Variants in SPOCK3 observed in about 807,000 individuals in gnomAD.
SPOCK3 encodes the protein SPARC (osteonectin), cwcv and kazal like domains proteoglycan 3.
Under a neutral mutation model 56.6 loss-of-function variants are expected in SPOCK3, and 30 were observed. The ratio of observed to expected loss-of-function variants is 0.53; its 90% confidence interval spans 0.40 to 0.72. The LOEUF is 0.72. SPOCK3 is among the 30% of genes least tolerant of loss of function. The pLI, the probability that SPOCK3 is intolerant of heterozygous loss-of-function variation, is 0.00. For synonymous variants in SPOCK3, 196 were observed against 183.3 expected (o/e 1.07, Z -0.56); for missense variants, 527 against 530.0 (o/e 0.99, Z 0.06).
chr4:166,982,055 C>A (rs776685295), intron 4 of SPOCK3, among the ~76,000 whole-genome samples: 2 of 152,196 alleles, frequency 1.3e-5, no homozygotes, highest in Non-Finnish European at 2.9e-5. Flanking sequence ...GGATCTGGAG[C>A]TGCAGTTGGC....
intron 3 of SPOCK3, among the ~76,000 whole-genome samples, chr4:167,053,235 A>G (rs1754407922): frequency 1.3e-5 from 2 of 152,038 alleles, no homozygotes. Flanking sequence ...TTTTCTCAAA[A>G]CTGCCCCTCC....
At chr4:166,891,925 G>A (rs145104611) in intron 5 of SPOCK3, among the ~76,000 whole-genome samples, 1 of 151,952 alleles carries the variant, frequency 6.6e-6, no homozygotes, top group East Asian at 1.9e-4. Context: ...TCCCTTCATA[G>A]ATGTGTTATA....
At chr4:167,148,680 A>T (rs2150412039) in intron 2 of SPOCK3, among the ~76,000 whole-genome samples, 1 of 152,264 alleles carries the variant, frequency 6.6e-6, no homozygotes. Context: ...TACATAAACC[A>T]ATAGCCCTTA....
chr4:166,826,335 A>T (rs1745480306), intron 6 of SPOCK3, among the ~76,000 whole-genome samples: 1 of 152,136 alleles, frequency 6.6e-6, no homozygotes, highest in Admixed American at 6.6e-5. Flanking sequence ...AAGGTGCTTT[A>T]AAAGTAAAAT....
At chr4:167,113,850 C>G (rs1038040116) in intron 2 of SPOCK3, among the ~76,000 whole-genome samples, 10 of 152,076 alleles carry the variant, frequency 6.6e-5, no homozygotes, top group African/African-American at 2.4e-4. Flanking sequence ...CCTCTCTCAG[C>G]TGCAGTGCTT....
intron 4 of SPOCK3, among the ~76,000 whole-genome samples, chr4:166,948,637 T>C (rs542935324): frequency 3.9e-4 from 59 of 152,294 alleles, no homozygotes; most frequent in African/African-American, 1.4e-3. Flanking sequence ...ATTTTTTTCA[T>C]ATATCTGTTG....
chr4:167,206,375 A>T (rs1734334700), intron 2 of SPOCK3, among the ~76,000 whole-genome samples: 1 of 152,098 alleles, frequency 6.6e-6, no homozygotes, highest in East Asian at 1.9e-4. Context: ...ACACAAATTG[A>T]ACCCTTAAAT....
At chr4:166,810,155 A>G (rs1425385253) in intron 6 of SPOCK3, among the ~76,000 whole-genome samples, 1 of 152,020 alleles carries the variant, frequency 6.6e-6, no homozygotes, top group Non-Finnish European at 1.5e-5. Flanking sequence ...CACAAATCCA[A>G]ATGTGTCTTG....
intron 6 of SPOCK3, among the ~76,000 whole-genome samples, chr4:166,848,000 A>C (rs1748279704): frequency 1.3e-5 from 2 of 152,038 alleles, no homozygotes; most frequent in African/African-American, 4.8e-5. Context: ...TGTAACCCAA[A>C]ATCAAATCAC....
chr4:167,043,826 G>T (rs1202565992), intron 3 of SPOCK3, among the ~76,000 whole-genome samples: 2 of 151,614 alleles, frequency 1.3e-5, no homozygotes, highest in South Asian at 2.1e-4. Flanking sequence ...TACATTTTTG[G>T]ACTGGATTTG....
chr4:166,986,244 G>A (rs1166416930), intron 4 of SPOCK3, among the ~76,000 whole-genome samples: 1 of 151,946 alleles, frequency 6.6e-6, no homozygotes, highest in Non-Finnish European at 1.5e-5. Flanking sequence ...TTTTTGTCAT[G>A]TTTTCCACAG....
chr4:166,977,105 T>C (rs897554069), intron 4 of SPOCK3, among the ~76,000 whole-genome samples: 7 of 152,086 alleles, frequency 4.6e-5, no homozygotes, highest in African/African-American at 1.7e-4. Flanking sequence ...GTGATTCTTC[T>C]TTATGTCTTT....
intron 6 of SPOCK3, among the ~76,000 whole-genome samples, chr4:166,822,575 C>T (rs780661357): frequency 1.1e-4 from 16 of 152,050 alleles, no homozygotes; most frequent in Non-Finnish European, 2.1e-4. Context: ...GGCAGCTAAG[C>T]TGATTGTTTC....
chr4:166,850,593 C>A (rs1005677342), intron 6 of SPOCK3, among the ~76,000 whole-genome samples: 11 of 152,202 alleles, frequency 7.2e-5, no homozygotes, highest in African/African-American at 2.7e-4. Context: ...ACAGCGGGGG[C>A]AGGTCACTGG....
chr4:167,018,388 T>C (rs1162351020), intron 3 of SPOCK3, among the ~76,000 whole-genome samples: 1 of 152,120 alleles, frequency 6.6e-6, no homozygotes, highest in African/African-American at 2.4e-5. Context: ...CCTGGGGTCC[T>C]ACTTTAGTTT....
intron 6 of SPOCK3, among the ~76,000 whole-genome samples, chr4:166,814,511 T>C (rs984232463): frequency 1.5e-4 from 23 of 152,078 alleles, no homozygotes; most frequent in African/African-American, 5.1e-4. Context: ...TGGGATAAGC[T>C]GGCTTGCTGA....
At chr4:166,910,074 T>C (rs1345066122) in intron 5 of SPOCK3, among the ~76,000 whole-genome samples, 1 of 152,132 alleles carries the variant, frequency 6.6e-6, no homozygotes, top group Non-Finnish European at 1.5e-5. Context: ...TTAGTAAGGA[T>C]AGTTTCACCT....
intron 2 of SPOCK3, among the ~76,000 whole-genome samples, chr4:167,135,418 A>G (rs1209676524): frequency 6.6e-6 from 1 of 152,188 alleles, no homozygotes. Flanking sequence ...ATCTAAAAGA[A>G]TAATTTGGGA....
At chr4:167,155,146 C>CT (rs1195401130) in intron 2 of SPOCK3, among the ~76,000 whole-genome samples, 1 of 151,760 alleles carries the variant, frequency 6.6e-6, no homozygotes, top group Non-Finnish European at 1.5e-5. Flanking sequence ...AAGGCGGAGT[C>CT]TTGCTCTGTT....
Sources: gnomAD v4.1 joint callset for allele counts (sites outside exome capture counted in the v4.1 genomes callset) on GRCh38, gnomAD v4.1.1 for gene constraint, MANE v1.5 for transcripts, NCBI Gene and HGNC (gene_info 2026-07-23, HGNC 2026-07-21) for gene names.